The following NDE1 variants were observed in gnomAD, a reference collection of about 807,000 sequenced individuals.
The protein encoded by NDE1 is nuclear distribution protein nudE homolog 1.
Under a neutral mutation model 43.4 loss-of-function variants are expected in NDE1, and 28 were observed. The ratio of observed to expected loss-of-function variants is 0.65; its 90% confidence interval spans 0.48 to 0.89. The LOEUF is 0.89. Ranked by LOEUF, NDE1 falls within the 40% of genes least tolerant of loss-of-function variation. The pLI is 0.00. For synonymous variants in NDE1, 184 were observed against 172.0 expected (o/e 1.07, Z -0.55); for missense variants, 441 against 434.1 (o/e 1.02, Z -0.14).
chr16:15,688,853 A>G (rs1343574491), intron 5 of NDE1, among the ~76,000 whole-genome samples: 1 of 151,450 alleles, frequency 6.6e-6, no homozygotes, highest in South Asian at 2.1e-4. Flanking sequence ...GTGCACCACC[A>G]TGCCTGGCTA....
At chr16:15,716,664 G>A (rs1440595036) in intron 8 of NDE1, among the ~76,000 whole-genome samples, 1 of 152,172 alleles carries the variant, frequency 6.6e-6, no homozygotes, top group Non-Finnish European at 1.5e-5. Flanking sequence ...TGAGATAATA[G>A]GCATGTGCCA....
At chr16:15,721,059 C>A in intron 8 of NDE1, 2 of 1,613,664 alleles carry the variant, frequency 1.2e-6, no homozygotes, top group Middle Eastern at 1.7e-4. Context: ...GACCTGCCGG[C>A]AGAGCGGGCA....
chr16:15,695,878 G>C (rs1567659204), intron 7 of NDE1: 1 of 202,378 alleles, frequency 4.9e-6, no homozygotes, highest in Non-Finnish European at 8.8e-6. Context: ...GCCAGACCAA[G>C]TCCTTACCAA....
intron 8 of NDE1, chr16:15,719,464 T>TCTAG: frequency 6.5e-7 from 1 of 1,537,478 alleles, no homozygotes; most frequent in East Asian, 2.2e-5. Flanking sequence ...CGTGTGTCTT[T>TCTAG]CTAGACAGGT....
At chr16:15,677,508 C>T (rs1254661205) in intron 3 of NDE1, among the ~76,000 whole-genome samples, 1 of 151,956 alleles carries the variant, frequency 6.6e-6, no homozygotes, top group Non-Finnish European at 1.5e-5. Flanking sequence ...ATTGCTTGAA[C>T]CTGGGAGGCA....
intron 8 of NDE1, chr16:15,717,321 T>G (rs1323596418): frequency 6.2e-7 from 1 of 1,610,404 alleles, no homozygotes. Context: ...CTGCGCTCTG[T>G]GGCCAGCTCG....
In NDE1 at chr16:15,687,488, A is replaced by G. The variant is rs759094446; in HGVS notation, c.500A>G (p.Gln167Arg). 2 of 1,614,034 alleles carry G rather than the reference A, an allele frequency of 1.2e-6. No homozygotes were observed. The highest frequency in any genetic ancestry group is 2.2e-5 in the East Asian group (1 of 44,892). ...AAAGAGAATCTCCTGGAATCTGTTC[A>G]GAGACTGAAGGATGAAGCCAGAGGT... is the stretch of plus-strand genomic sequence containing the variant. ...DEKENLLESV[Q>R]RLKDEARDLR... Residue 167 changes from glutamine to arginine, a missense_variant, in exon 5 of 9, where the codon CAG becomes CGG. Transcript: ENST00000396354.
chr16:15,678,241 A>G (rs920677334), intron 4 of NDE1, among the ~76,000 whole-genome samples: 3 of 152,188 alleles, frequency 2.0e-5, no homozygotes, highest in African/African-American at 4.8e-5. Flanking sequence ...GGGAAATGCT[A>G]TTTAGGCTAA....
rs1039378807 is a variant in NDE1, at chr16:15,707,173, G to C, written c.947+10313G>C. Among the ~76,000 whole-genome samples, 10 of 152,030 alleles carry C rather than the reference G, an allele frequency of 6.6e-5. 1 individual carries two copies. The highest frequency in any genetic ancestry group is 2.4e-4 in the African/African-American group (10 of 41,388). On this transcript the variant is annotated intron_variant, in intron 8 of 8. Coordinates refer to ENST00000396354, the MANE Select transcript of NDE1 (RefSeq NM_017668.3). ...CCTGCCTCAGCCTTCCAAGTAACTG[G>C]GACTACAGACATGCCACCACTCCTG...
intron 1 of NDE1, among the ~76,000 whole-genome samples, chr16:15,659,888 A>G (rs928704210): frequency 6.6e-6 from 1 of 151,108 alleles, no homozygotes; most frequent in African/African-American, 2.4e-5. Flanking sequence ...AGCTGGGACT[A>G]CAGGTACCTG....
chr16:15,682,368 T>C (rs1396575083), intron 4 of NDE1, among the ~76,000 whole-genome samples: 6 of 152,218 alleles, frequency 3.9e-5, no homozygotes, highest in Admixed American at 6.6e-5. Context: ...GCTCCAAAGC[T>C]TTATTTTAAA....
intron 8 of NDE1, chr16:15,719,219 C>T (rs2040334903): frequency 1.2e-6 from 2 of 1,613,670 alleles, no homozygotes; most frequent in Non-Finnish European, 1.7e-6. Context: ...CAGTTTCCTA[C>T]CTTCCCGACA....
chr16:15,694,235 A>AG lies in NDE1; in HGVS notation c.775dup (p.Asp259GlyfsTer56). 1 of 1,613,838 alleles carries AG rather than the reference A, an allele frequency of 6.2e-7. No individual in the cohort carries two copies. The highest frequency in any genetic ancestry group is 1.7e-4 in the Middle Eastern group (1 of 5,844). Reference sequence around the variant, plus strand: ...GGATATCAGCCCTCAACATTGTGGGAGACCTACTGCGGAAAGTCGGGGTAA... The same window carrying AG: ...GGATATCAGCCCTCAACATTGTGGGAGGACCTACTGCGGAAAGTCGGGGTAA... On this transcript the variant is annotated frameshift_variant, in exon 7 of 9. Transcript: ENST00000396354. LOFTEE classifies it high-confidence loss of function.
chr16:15,688,044 C>G (rs369574868), intron 5 of NDE1, among the ~76,000 whole-genome samples: 13 of 152,232 alleles, frequency 8.5e-5, no homozygotes, highest in African/African-American at 3.1e-4. Flanking sequence ...GGTGTGATGG[C>G]ATGTGCCTGT....
chr16:15,688,696 T>A (rs2038575535), intron 5 of NDE1, among the ~76,000 whole-genome samples: 1 of 86,456 alleles, frequency 1.2e-5, no homozygotes, highest in Non-Finnish European at 2.1e-5. Flanking sequence ...TACCTTTTTT[T>A]TTTTTTTTTT....
At chr16:15,654,602 C>CAA (rs200126051) in intron 1 of NDE1, among the ~76,000 whole-genome samples, 6 of 75,592 alleles carry the variant, frequency 7.9e-5, no homozygotes, top group Non-Finnish European at 1.2e-4. Context: ...GATTCCGACT[C>CAA]AAAAAAAAAA....
chr16:15,653,564 C>T (rs1955438612), intron 1 of NDE1, among the ~76,000 whole-genome samples: 1 of 152,006 alleles, frequency 6.6e-6, no homozygotes, highest in South Asian at 2.1e-4. Flanking sequence ...GTTTATTGCT[C>T]CTGACTAGCA....
At chr16:15,694,340 CTCT>C in intron 7 of NDE1, 84 bp downstream of exon 7, 3 of 1,562,074 alleles carry the variant, frequency 1.9e-6, no homozygotes, top group Non-Finnish European at 1.7e-6. Context: ...TTCCTTCCCT[CTCT>C]TCTTTTTTTC....
chr16:15,704,072 T>G, intron 8 of NDE1: 2 of 1,614,164 alleles, frequency 1.2e-6, no homozygotes, highest in Non-Finnish European at 1.7e-6. Flanking sequence ...TTTCAATAAC[T>G]CTACGTCCTC....
Sources: allele counts gnomAD v4.1 joint callset (sites outside exome capture counted in the v4.1 genomes callset), GRCh38; gene constraint gnomAD v4.1.1; transcripts MANE v1.5; gene names NCBI Gene and HGNC (gene_info 2026-07-23, HGNC 2026-07-21).